CHD5: variants seen among roughly 807,000 people sequenced by gnomAD.
The protein encoded by CHD5 is chromodomain helicase DNA binding protein 5, also known as ATP-dependent chromatin remodeler CHD5.
Under a neutral mutation model 230.3 loss-of-function variants are expected in CHD5, and 69 were observed. The observed-to-expected ratio is 0.30, with a 90% CI of 0.25 to 0.37. The LOEUF (loss-of-function observed/expected upper bound fraction) is 0.37. CHD5 is among the 10% of genes least tolerant of loss of function. The pLI, the probability that CHD5 is intolerant of heterozygous loss-of-function variation, is 1.00. For missense variants in CHD5, 1,827 were observed against 2,622.8 expected, an observed-to-expected ratio of 0.70 and a Z score of 6.63; for synonymous variants, 1,064 against 1,065.9, an observed-to-expected ratio of 1.00 and a Z score of 0.03.
rs1666100670 is a variant in CHD5, at chr1:6,103,104, G to C, written c.*2370C>G. 1 of 152,504 alleles carries C rather than the reference G, an allele frequency of 6.6e-6. No homozygotes were observed. The allele number at this position is 152,504 out of a possible 1,614,324, so 9.4% of individuals were successfully genotyped here. A position where few individuals can be genotyped will look rare whatever the true frequency, so the allele number is the denominator to read the frequency against. Reference sequence around the variant, plus strand: ...CACCACCATCACCACTTTTGGCAGAGATGACTGACAAACCAAGAAGGACAT... The same window carrying C: ...CACCACCATCACCACTTTTGGCAGACATGACTGACAAACCAAGAAGGACAT... On this transcript the variant is annotated 3_prime_UTR_variant, in exon 42 of 42. Coordinates refer to ENST00000262450, the MANE Select transcript of CHD5 (RefSeq NM_015557.3).
In CHD5 at chr1:6,112,192, G is replaced by A. The variant is rs758348806; in HGVS notation, c.5088C>T (p.Asp1696=). 1.2e-6 allele frequency: 2 copies of A among 1,614,032 alleles called. No individual in the cohort carries two copies. The highest frequency in any genetic ancestry group is 1.7e-6 in the Non-Finnish European group (2 of 1,180,000). The change falls in exon 35 of 42, where the codon GAC becomes GAT. Residue 1696 remains aspartate, a synonymous_variant. Transcript: ENST00000262450. ...ACATGAACTTGAATTTCCCCTTCTT[G>A]TCCTCCTTCTTCCCCTCGTCATCTT... The part of the protein sequence containing the change: ...KEEDDEGKKE[D]KKGKFKFMFN...
intron 1 of CHD5, among the ~76,000 whole-genome samples, chr1:6,173,394 G>A (rs371574577): frequency 1.2e-4 from 19 of 152,054 alleles, no homozygotes; most frequent in African/African-American, 2.9e-4. Flanking sequence ...ATGAGCCACC[G>A]CGCCCGGCCG....
chr1:6,115,912 G>A (rs1666372244), intron 33 of CHD5, among the ~76,000 whole-genome samples: 1 of 152,162 alleles, frequency 6.6e-6, no homozygotes, highest in African/African-American at 2.4e-5. Flanking sequence ...ATACAACTGG[G>A]AAGGTTTTAA....
At chr1:6,149,836 G>A (rs558040695) in intron 7 of CHD5, among the ~76,000 whole-genome samples, 5 of 151,234 alleles carry the variant, frequency 3.3e-5, no homozygotes, top group African/African-American at 9.7e-5. Context: ...GATGGATGAT[G>A]AATGGACAAA....
intron 1 of CHD5, among the ~76,000 whole-genome samples, chr1:6,172,511 A>G (rs1385927915): frequency 6.6e-6 from 1 of 152,086 alleles, no homozygotes; most frequent in African/African-American, 2.4e-5. Context: ...TCTTATCCCC[A>G]TCTGCAGATT....
chr1:6,134,393 C>T lies in CHD5; in HGVS notation c.3013-134G>A, dbSNP rs1213029305. The T allele has an allele frequency of 8.8e-7, 1 of 1,142,766 alleles. No individual in the cohort carries two copies. Among genetic ancestry groups the T allele is most frequent in the East Asian group, 2.4e-5 (1 of 41,810 alleles). 70.8% of individuals were successfully genotyped at this position (1,142,766 alleles called of 1,614,324 possible). On this transcript the variant is annotated intron_variant, in intron 19 of 41. Coordinates refer to ENST00000262450, the MANE Select transcript of CHD5 (RefSeq NM_015557.3). This position sits in a 1 kb window ranked among gnomAD's most constrained non-coding sequence, Gnocchi z 6.3. Reference sequence around the variant, plus strand: ...CTGTCTGCCCACTGAACATGAGACCCACACCCGAGCCAGGCCAGGCCCCAC... The same window carrying T: ...CTGTCTGCCCACTGAACATGAGACCTACACCCGAGCCAGGCCAGGCCCCAC...
At position 6,179,759 on chromosome 1, in the gene CHD5, T is replaced by C. The variant is rs550450279; in HGVS notation, c.79+186A>G. On this transcript the variant is annotated intron_variant, in intron 1 of 41. Transcript: ENST00000262450. ...GCCGCCCTCACGCCGGCCCGGGCGC[T>C]CACCCAGCCTTCGCCCTTGGCCGCG... Among the ~76,000 whole-genome samples, 42 of 145,028 alleles carry C rather than the reference T, an allele frequency of 2.9e-4. No homozygotes were observed. The South Asian group carries it at 8.4e-3, about 29-fold the overall frequency.
At chr1:6,136,901 G>A (rs747189813) in intron 15 of CHD5, 36 bp from the exon 16 acceptor site, 4 of 1,579,106 alleles carry the variant, frequency 2.5e-6, no homozygotes, top group Non-Finnish European at 3.4e-6. Context: ...TGAGACGGCT[G>A]GGAGCAGAGC....
At chr1:6,178,947 A>T (rs1667466310) in intron 1 of CHD5, among the ~76,000 whole-genome samples, 1 of 151,978 alleles carries the variant, frequency 6.6e-6, no homozygotes, top group African/African-American at 2.4e-5. Context: ...TCCGAAGTCC[A>T]GAGAGGCCAC....
chr1:6,102,309 G>A lies in CHD5; in HGVS notation c.*3165C>T. 1 of 161,518 alleles carries A rather than the reference G, an allele frequency of 6.2e-6. No individual in the cohort carries two copies. The highest frequency in any genetic ancestry group is 1.4e-5 in the Non-Finnish European group (1 of 73,350). The allele number at this position is 161,518 out of a possible 1,614,324, so 10.0% of individuals were successfully genotyped here. On this transcript the variant is annotated 3_prime_UTR_variant, in exon 42 of 42. Transcript: ENST00000262450. ...AACACAACGCCAGTGAGTTTGGGCTGATGCACCACAACCTGTAAACTTTCA... is the reference window on the plus strand; with the variant it reads ...AACACAACGCCAGTGAGTTTGGGCTAATGCACCACAACCTGTAAACTTTCA...
chr1:6,107,686 T>G (rs893678556), intron 38 of CHD5, among the ~76,000 whole-genome samples: 97 of 57,764 alleles, frequency 1.7e-3, no homozygotes, highest in African/African-American at 2.6e-3. Flanking sequence ...AGGGATAATA[T>G]AGGGATGGAG....
chr1:6,172,240 G>A (rs888493172), intron 1 of CHD5, among the ~76,000 whole-genome samples: 9 of 152,232 alleles, frequency 5.9e-5, no homozygotes, highest in South Asian at 2.1e-4. Flanking sequence ...TGCCAGGCTC[G>A]TGCCAGGCCC....
intron 2 of CHD5, among the ~76,000 whole-genome samples, chr1:6,161,571 A>C (rs1667178111): frequency 6.6e-6 from 1 of 152,198 alleles, no homozygotes; most frequent in Non-Finnish European, 1.5e-5. Flanking sequence ...GGGAATACTG[A>C]CACAGCCACT....
chr1:6,165,907 C>G (rs568111246), intron 2 of CHD5, among the ~76,000 whole-genome samples: 1 of 151,986 alleles, frequency 6.6e-6, no homozygotes, highest in South Asian at 2.1e-4. Flanking sequence ...TTTGAGACCC[C>G]GGGGAAGATG....
chr1:6,118,319 A>G (rs1666408983), intron 33 of CHD5, among the ~76,000 whole-genome samples: 1 of 145,850 alleles, frequency 6.9e-6, no homozygotes, highest in African/African-American at 2.5e-5. Context: ...TCAAGGCTGT[A>G]GTTAAGCCAA....
At chr1:6,168,390 G>A in intron 1 of CHD5, 113 bp from the exon 2 acceptor site, 2 of 1,303,784 alleles carry the variant, frequency 1.5e-6, no homozygotes. Context: ...AACTGTGCCA[G>A]GTCACAGCTG....
Position 6,148,836 on chromosome 1 carries a change from G to A in CHD5, c.1383+18C>T. The A allele has an allele frequency of 6.8e-7, 1 of 1,471,142 alleles. No homozygotes were observed. Among genetic ancestry groups the A allele is most frequent in the Non-Finnish European group, 9.0e-7 (1 of 1,105,166 alleles). The allele number at this position is 1,471,142 out of a possible 1,614,324, so 91.1% of individuals were successfully genotyped here. On this transcript the variant is annotated intron_variant, in intron 9 of 41. Transcript: ENST00000262450. ...GGGTGGGGCGGGGCGTCCGGCGCGG[G>A]GCGGGCGGAACACTCACAGTACAGC...
At chr1:6,141,358 G>A (rs1666825949) in intron 15 of CHD5, among the ~76,000 whole-genome samples, 1 of 151,394 alleles carries the variant, frequency 6.6e-6, no homozygotes, top group Non-Finnish European at 1.5e-5. Flanking sequence ...GCTCACTCCT[G>A]CAATCCCAGC....
chr1:6,160,974 G>T (rs35020689), intron 2 of CHD5, among the ~76,000 whole-genome samples: 32,129 of 152,120 alleles, frequency 0.21, 3,554 homozygotes, highest in Middle Eastern at 0.29. Flanking sequence ...TGATCCCCGG[G>T]GCATGCGGGG....
Sources: allele counts gnomAD v4.1 joint callset (sites outside exome capture counted in the v4.1 genomes callset), GRCh38; gene constraint gnomAD v4.1.1; non-coding constraint Gnocchi (gnomAD v3.1); transcripts MANE v1.5; gene names NCBI Gene and HGNC (gene_info 2026-07-23, HGNC 2026-07-21).